MEGF6: variants seen among roughly 807,000 people sequenced by gnomAD.
The protein encoded by MEGF6 is multiple EGF like domains 6.
A neutral mutation model predicts 207.1 loss-of-function variants in MEGF6; 184 were observed. The ratio of observed to expected loss-of-function variants is 0.89; its 90% CI spans 0.79 to 1.00. The LOEUF is 1.00. Ranked by LOEUF, MEGF6 falls within the 50% of genes least tolerant of loss-of-function variation. The pLI is 0.00. For missense variants in MEGF6, 2,282 were observed against 2,202.9 expected (o/e 1.04, Z -0.72); for synonymous variants, 1,038 against 910.0 (o/e 1.14, Z -2.53).
At chr1:3,578,538 G>T (rs570352316) in intron 4 of MEGF6, among the ~76,000 whole-genome samples, 1 of 81,714 alleles carries the variant, frequency 1.2e-5, no homozygotes, top group Non-Finnish European at 2.3e-5. Flanking sequence ...AGGGGCCCTG[G>T]GGGGGGGGGG....
At chr1:3,502,358 G>C (rs978190267) in intron 17 of MEGF6, among the ~76,000 whole-genome samples, 1 of 152,142 alleles carries the variant, frequency 6.6e-6, no homozygotes, top group Admixed American at 6.5e-5. Context: ...GTCACCAGAG[G>C]ACCTGTCCTG....
Position 3,602,351 on chromosome 1 carries a change from C to T in MEGF6, c.266+115G>A, listed in dbSNP as rs984007721. ...AGATGAGGGCTTCAGGCAGGGGTTGCGTGTGGCCCTGAGACCAGGACGGGG... is the reference window on the plus strand; with the variant it reads ...AGATGAGGGCTTCAGGCAGGGGTTGTGTGTGGCCCTGAGACCAGGACGGGG... On this transcript the variant is annotated intron_variant, in intron 2 of 36. Coordinates refer to ENST00000356575, the MANE Select transcript of MEGF6 (RefSeq NM_001409.4). The T allele has an allele frequency of 3.1e-5, 45 of 1,448,714 alleles. No individual in the cohort carries two copies. The South Asian group carries it at 4.4e-4, about 14-fold the overall frequency. The allele number at this position is 1,448,714 out of a possible 1,614,324, so 89.7% of individuals were successfully genotyped here. A position where few individuals can be genotyped will look rare whatever the true frequency, so the allele number is the denominator to read the frequency against.
chr1:3,500,685 G>A lies in MEGF6; in HGVS notation c.2655C>T (p.Ile885=), dbSNP rs777622803. Reference sequence around the variant, plus strand: ...CAGCCTCACACAGACACAGGCCGCTGATGGCATCACAGCTCCCGTGGCCAG... The same window carrying A: ...CAGCCTCACACAGACACAGGCCGCTAATGGCATCACAGCTCCCGTGGCCAG... ...CSAGHGSCDA[I]SGLCLCEAGY... The change falls in exon 21 of 37, where the codon ATC becomes ATT. Residue 885 remains isoleucine (I), a synonymous_variant. Coordinates refer to ENST00000356575, the MANE Select transcript of MEGF6 (RefSeq NM_001409.4). The A allele has an allele frequency of 6.3e-7, 1 of 1,579,050 alleles. No individual in the cohort carries two copies. Among genetic ancestry groups the A allele is most frequent in the Non-Finnish European group, 8.6e-7 (1 of 1,162,806 alleles).
rs753640601 is a variant in MEGF6, at chr1:3,509,127, G to C, written c.1476C>G (p.Ala492=). Residue 492 remains alanine, a synonymous_variant, in exon 12 of 37, where the codon GCC becomes GCG. Transcript: ENST00000356575. ...CCCGCAACTCTGCCTCTTCCTCATC[G>C]GCCCCGACGTCGTCATCCTGGAAGA... ...PQLFQDDDVG[A]DEEEAELRGE... is the part of the protein sequence containing the mutation. The C allele has an allele frequency of 2.5e-6, 4 of 1,601,440 alleles. No individual in the cohort carries two copies. In the South Asian group the frequency reaches 3.4e-5, roughly 13 times the overall value.
intron 17 of MEGF6, among the ~76,000 whole-genome samples, chr1:3,502,232 A>AG (rs1400267526): frequency 6.6e-6 from 1 of 151,974 alleles, no homozygotes; most frequent in Non-Finnish European, 1.5e-5. Flanking sequence ...AGGAGAGGGG[A>AG]GGGGCAGGGC....
At chr1:3,595,747 G>T (rs1644053629) in intron 2 of MEGF6, among the ~76,000 whole-genome samples, 1 of 152,204 alleles carries the variant, frequency 6.6e-6, no homozygotes, top group African/African-American at 2.4e-5. Flanking sequence ...CCCGACGGTG[G>T]TCCTGGCTCC....
chr1:3,514,404 C>T (rs1641462614), intron 7 of MEGF6, 146 bp downstream of exon 7: 1 of 1,067,070 alleles, frequency 9.4e-7, no homozygotes. Context: ...ATGAGACCGC[C>T]ACATCCCAGG....
rs766660005 is a variant in MEGF6, at chr1:3,490,490, C to A, written c.*38G>T. 6.2e-7 allele frequency: 1 copy of A among 1,610,846 alleles called. No individual in the cohort carries two copies. The highest frequency in any genetic ancestry group is 8.5e-7 in the Non-Finnish European group (1 of 1,178,334). ...CACCAAAGGCCAGGGTCCCCTCTGG[C>A]TGGGACTGGAGAGGCGGGCTCCACG... On this transcript the variant is annotated 3_prime_UTR_variant, in exon 37 of 37. Coordinates refer to ENST00000356575, the MANE Select transcript of MEGF6 (RefSeq NM_001409.4).
rs533970692 is a variant in MEGF6 at position 3,564,806 on chromosome 1, C to T, written c.481+15019G>A. Among the ~76,000 whole-genome samples the T allele has an allele frequency of 5.0e-4, 76 of 152,296 alleles. 2 individuals carry two copies. The South Asian group carries it at 0.016, about 31-fold the overall frequency. On this transcript the variant is annotated intron_variant, in intron 4 of 36. Transcript: ENST00000356575. ...AAGCTGGGGACGGGCCCCCTTCACCCCCATCTGGGCCCACCCAGGTCCTCA... is the reference window on the plus strand; with the variant it reads ...AAGCTGGGGACGGGCCCCCTTCACCTCCATCTGGGCCCACCCAGGTCCTCA...
In MEGF6 at chr1:3,560,935, C is replaced by G. The variant is rs1248313211; in HGVS notation, c.481+18890G>C. On this transcript the variant is annotated intron_variant, in intron 4 of 36. Coordinates refer to ENST00000356575, the MANE Select transcript of MEGF6 (RefSeq NM_001409.4). This position sits in a 1 kb window ranked among gnomAD's most constrained non-coding sequence, Gnocchi z 4.0. ...CTACTACCCTCTGGCACACATCCATCTAGTGCCCCAGGGGCTTCGGAGGGC... is the reference window on the plus strand; with the variant it reads ...CTACTACCCTCTGGCACACATCCATGTAGTGCCCCAGGGGCTTCGGAGGGC... 2 of 372,744 alleles carry G rather than the reference C, an allele frequency of 5.4e-6. No individual in the cohort carries two copies. The highest frequency in any genetic ancestry group is 1.1e-5 in the Non-Finnish European group (2 of 184,426). The allele number at this position is 372,744 out of a possible 1,614,324, so 23.1% of individuals were successfully genotyped here. A position where few individuals can be genotyped will look rare whatever the true frequency, so the allele number is the denominator to read the frequency against.
chr1:3,489,634 G>C lies in MEGF6; in HGVS notation c.*894C>G, dbSNP rs938678939. Among the ~76,000 whole-genome samples the C allele has an allele frequency of 1.5e-4, 23 of 152,246 alleles. No individual in the cohort carries two copies. The highest frequency in any genetic ancestry group is 5.1e-4 in the African/African-American group (21 of 41,554). On this transcript the variant is annotated 3_prime_UTR_variant, in exon 37 of 37. Transcript: ENST00000356575. ...GGGTGGGGTGAGCCCAAGGGAGTTC[G>C]GCCTCAGTCCAGGTTGCCCCTCCAC...
chr1:3,498,712 A>C lies in MEGF6; in HGVS notation c.3209T>G (p.Leu1070Arg). ...CCAGCGCTCACCCTTCTCACAGGCC[A>C]GGCCGGCCCAGCCCTCTGGGCACGC... Reference protein sequence around the residue: ...HCACPEGWAGLACEKECLPRD... With the variant: ...HCACPEGWAGRACEKECLPRD... The change falls in exon 25 of 37, where the codon CTG becomes CGG. Residue 1070 changes from leucine (L) to arginine (R), a missense_variant. By Grantham distance (102) the Leu-to-Arg change is moderately radical. Transcript: ENST00000356575. 6.4e-7 allele frequency: 1 copy of C among 1,568,382 alleles called. No individual in the cohort carries two copies.
intron 6 of MEGF6, among the ~76,000 whole-genome samples, 159 bp from the exon 7 acceptor site, chr1:3,514,831 C>T (rs1356267715): frequency 6.6e-6 from 1 of 152,206 alleles, no homozygotes; most frequent in Non-Finnish European, 1.5e-5. Context: ...CTCCCAGGTG[C>T]GGGAAGCCCC....
chr1:3,524,180 T>C lies in MEGF6; in HGVS notation c.548A>G (p.Tyr183Cys), dbSNP rs374630263. 233 of 1,612,908 alleles carry C rather than the reference T, an allele frequency of 1.4e-4. No individual in the cohort carries two copies. The highest frequency in any genetic ancestry group is 1.8e-4 in the Non-Finnish European group (216 of 1,179,890). The change falls in exon 5 of 37, where the codon TAC becomes TGC. Residue 183 changes from tyrosine to cysteine, a missense_variant. Transcript: ENST00000356575. ...QHRCVNTPGS[Y>C]LCECKPGFRL... ...GAAGCCGGGCTTGCACTCACAGAGG[T>C]AGGAGCCTGGGGTGTTCACGCACCG... is the stretch of plus-strand genomic sequence containing the variant.
At chr1:3,580,557 C>T (rs1383219060) in intron 3 of MEGF6, among the ~76,000 whole-genome samples, 1 of 97,696 alleles carries the variant, frequency 1.0e-5, no homozygotes, top group Admixed American at 1.1e-4. Context: ...GGCAGGGGCT[C>T]TGGAGAGAGA....
At chr1:3,517,170 C>T (rs1481637772) in intron 5 of MEGF6, among the ~76,000 whole-genome samples, 1 of 152,230 alleles carries the variant, frequency 6.6e-6, no homozygotes, top group African/African-American at 2.4e-5. Flanking sequence ...AACAGACCCC[C>T]TCCTGGCAGG....
Position 3,569,892 on chromosome 1 carries a change from G to A in MEGF6, c.481+9933C>T, listed in dbSNP as rs542048877. Among the ~76,000 whole-genome samples the A allele has an allele frequency of 2.6e-5, 4 of 152,348 alleles. No homozygotes were observed. In the South Asian group the frequency reaches 8.3e-4, roughly 32 times the overall value. ...ACTACCCTGTCTGTGAAGCCAGCAT[G>A]GGAGAGGCCACACAACCCCACTGTG... is the stretch of plus-strand genomic sequence containing the variant. On this transcript the variant is annotated intron_variant, in intron 4 of 36. Transcript: ENST00000356575.
In MEGF6 at chr1:3,565,274, T is replaced by A. The variant is rs1383891457; in HGVS notation, c.481+14551A>T. Among the ~76,000 whole-genome samples the A allele has an allele frequency of 6.6e-6, 1 of 151,022 alleles. No individual in the cohort carries two copies. Among genetic ancestry groups the A allele is most frequent in the African/African-American group, 2.5e-5 (1 of 40,644 alleles). On this transcript the variant is annotated intron_variant, in intron 4 of 36. Coordinates refer to ENST00000356575, the MANE Select transcript of MEGF6 (RefSeq NM_001409.4). This position sits in a 1 kb window ranked among gnomAD's most constrained non-coding sequence, Gnocchi z 4.8. ...TATCAGACATGGCACCGAGATGGCATCAGCAGTGGGTGAGAAACACACGTG... is the reference window on the plus strand; with the variant it reads ...TATCAGACATGGCACCGAGATGGCAACAGCAGTGGGTGAGAAACACACGTG...
chr1:3,513,269 T>G (rs1001301752), intron 7 of MEGF6, among the ~76,000 whole-genome samples: 1 of 152,104 alleles, frequency 6.6e-6, no homozygotes, highest in Non-Finnish European at 1.5e-5. Flanking sequence ...TGTAGCACAC[T>G]GGTGCAATCA....
Sources: gnomAD v4.1 joint callset for allele counts (sites outside exome capture counted in the v4.1 genomes callset) on GRCh38, gnomAD v4.1.1 for gene constraint, Gnocchi (gnomAD v3.1) non-coding constraint, MANE v1.5 for transcripts, NCBI Gene and HGNC (gene_info 2026-07-23, HGNC 2026-07-21) for gene names.